SAMD12: variants seen among roughly 807,000 people sequenced by gnomAD.
SAMD12 encodes sterile alpha motif domain containing 12, also known as sterile alpha motif domain-containing protein 12.
In SAMD12, 9 loss-of-function variants were observed where a neutral mutation model predicts 15.0. That is an observed-to-expected ratio of 0.60 (90% confidence interval 0.36 to 1.05). SAMD12 has a LOEUF of 1.05. Among genes scored for constraint, SAMD12 ranks in the 50% least tolerant of loss-of-function variants. The probability of loss-of-function intolerance (pLI) is 0.01; values close to 1 mark genes in which losing one functional copy is unlikely to be tolerated. For synonymous variants in SAMD12, 86 were observed against 90.1 expected (o/e 0.96, Z 0.25); for missense variants, 230 against 234.2 (o/e 0.98, Z 0.12).
intron 4 of SAMD12, among the ~76,000 whole-genome samples, chr8:118,200,076 T>G (rs931335794): frequency 6.6e-6 from 1 of 152,146 alleles, no homozygotes; most frequent in African/African-American, 2.4e-5. Flanking sequence ...GTTTCCCCTT[T>G]TCCTTGGCTC....
exon 5 of SAMD12, chr8:118,192,268 TCTCATG>T (rs1346993298): frequency 6.6e-6 from 1 of 152,162 alleles, no homozygotes; most frequent in Non-Finnish European, 1.5e-5. Flanking sequence ...ATCTGTTTGC[TCTCATG>T]CATCCACTCA....
chr8:118,343,375 G>A (rs570069862), intron 4 of SAMD12, among the ~76,000 whole-genome samples: 31 of 135,626 alleles, frequency 2.3e-4, no homozygotes, highest in Admixed American at 2.0e-3. Flanking sequence ...GGGGGGAATC[G>A]TTTTGGGGAC....
At chr8:118,483,196 G>C (rs1357807957) in intron 2 of SAMD12, among the ~76,000 whole-genome samples, 1 of 152,162 alleles carries the variant, frequency 6.6e-6, no homozygotes, top group East Asian at 1.9e-4. Context: ...AAACATATCT[G>C]CTATTTGTAA....
chr8:118,282,355 A>G (rs149767332), intron 4 of SAMD12: 4 of 456,166 alleles, frequency 8.8e-6, no homozygotes, highest in African/African-American at 8.0e-5. Context: ...TCTCCTTCTC[A>G]ATGCTCTCGT....
intron 4 of SAMD12, among the ~76,000 whole-genome samples, chr8:118,215,882 G>C (rs1329793783): frequency 1.3e-5 from 2 of 151,706 alleles, no homozygotes; most frequent in Non-Finnish European, 3.0e-5. Flanking sequence ...CATTTGGCTT[G>C]GTTCCAAGTC....
intron 4 of SAMD12, among the ~76,000 whole-genome samples, chr8:118,270,826 C>T (rs1228759609): frequency 1.3e-5 from 2 of 152,008 alleles, no homozygotes; most frequent in Non-Finnish European, 2.9e-5. Flanking sequence ...CACATATATC[C>T]TATATCACAG....
chr8:118,602,776 T>C (rs1282633657), intron 1 of SAMD12, among the ~76,000 whole-genome samples: 1 of 152,204 alleles, frequency 6.6e-6, no homozygotes, highest in African/African-American at 2.4e-5. Flanking sequence ...GAGCTTTCAA[T>C]GTTTTTTCAA....
chr8:118,159,983 G>A, the SAMD12 span, among the ~76,000 whole-genome samples: 1 of 152,214 alleles, frequency 6.6e-6, no homozygotes, highest in Admixed American at 6.5e-5. Context: ...GCCTCCCAAA[G>A]TGCTGGGATT....
chr8:118,555,260 T>G (rs1370016732), intron 2 of SAMD12, among the ~76,000 whole-genome samples: 3 of 152,208 alleles, frequency 2.0e-5, no homozygotes, highest in Admixed American at 6.5e-5. Context: ...CCTGATGTTG[T>G]TTATGTTTAC....
chr8:118,408,276 A>T (rs1397643251), intron 3 of SAMD12, among the ~76,000 whole-genome samples: 4 of 152,188 alleles, frequency 2.6e-5, no homozygotes, highest in Non-Finnish European at 5.9e-5. Context: ...ACTGGAGAGA[A>T]ATTTCAATAG....
At chr8:118,425,119 C>T (rs10111783) in intron 3 of SAMD12, among the ~76,000 whole-genome samples, 100,190 of 151,598 alleles carry the variant, frequency 0.66, 33,451 homozygotes, top group African/African-American at 0.74. Context: ...TTTGTGTGTT[C>T]AGTACAGACA....
At chr8:118,395,313 T>C (rs1388926581) in intron 3 of SAMD12, among the ~76,000 whole-genome samples, 1 of 152,126 alleles carries the variant, frequency 6.6e-6, no homozygotes, top group Non-Finnish European at 1.5e-5. Flanking sequence ...ACTCACGACT[T>C]ATGCTTGAAG....
chr8:118,348,099 C>G (rs1235690528), intron 4 of SAMD12, among the ~76,000 whole-genome samples: 1 of 152,098 alleles, frequency 6.6e-6, no homozygotes, highest in Non-Finnish European at 1.5e-5. Context: ...TTTTTTGAGA[C>G]AAGGTCTCAA....
chr8:118,433,957 G>A (rs7813395), intron 3 of SAMD12, among the ~76,000 whole-genome samples: 88,609 of 151,982 alleles, frequency 0.58, 26,768 homozygotes, highest in Admixed American at 0.66. Context: ...ACACTTGTTA[G>A]CTACACACCC....
intron 4 of SAMD12, among the ~76,000 whole-genome samples, chr8:118,238,182 C>T (rs1056757816): frequency 6.6e-6 from 1 of 152,092 alleles, no homozygotes; most frequent in African/African-American, 2.4e-5. Flanking sequence ...ATCTCACTCA[C>T]AGGACCACTG....
At chr8:118,232,538 A>G (rs1812336351) in intron 4 of SAMD12, among the ~76,000 whole-genome samples, 1 of 152,320 alleles carries the variant, frequency 6.6e-6, no homozygotes, top group East Asian at 1.9e-4. Context: ...AGAGGAAAAG[A>G]GTTCTCATGT....
At chr8:118,380,152 A>T (rs1819598721) in intron 3 of SAMD12, among the ~76,000 whole-genome samples, 1 of 152,176 alleles carries the variant, frequency 6.6e-6, no homozygotes, top group South Asian at 2.1e-4. Flanking sequence ...GTATATACAG[A>T]AACTCTAGCA....
At chr8:118,399,147 G>C (rs1366592569) in intron 3 of SAMD12, among the ~76,000 whole-genome samples, 1 of 151,324 alleles carries the variant, frequency 6.6e-6, no homozygotes, top group Non-Finnish European at 1.5e-5. Flanking sequence ...ACCTCCCAAA[G>C]TGTTGGGATT....
chr8:118,405,545 T>G (rs924194766), intron 3 of SAMD12, among the ~76,000 whole-genome samples: 1 of 152,198 alleles, frequency 6.6e-6, no homozygotes, highest in Non-Finnish European at 1.5e-5. Flanking sequence ...TGGGAGCCGC[T>G]GGGGTTCTAG....
Sources: allele counts gnomAD v4.1 joint callset (sites outside exome capture counted in the v4.1 genomes callset), GRCh38; gene constraint gnomAD v4.1.1; transcripts MANE v1.5; gene names NCBI Gene and HGNC (gene_info 2026-07-23, HGNC 2026-07-21).